Variants in COG5 observed in about 807,000 individuals in gnomAD.
COG5 encodes the protein component of oligomeric golgi complex 5, also known as conserved oligomeric Golgi complex subunit 5.
In COG5, 86 loss-of-function variants were observed where a neutral mutation model predicts 110.4. The observed-to-expected ratio is 0.78, with a 90% CI of 0.65 to 0.93. The LOEUF is 0.93. COG5 is among the 40% of genes least tolerant of loss of function. The pLI, the probability that COG5 is intolerant of heterozygous loss-of-function variation, is 0.00. For missense variants in COG5, 1,077 were observed against 987.0 expected (o/e 1.09, Z -1.22); for synonymous variants, 360 against 334.6 (o/e 1.08, Z -0.83).
chr7:107,413,218 T>C (rs1374416343), intron 6 of COG5, among the ~76,000 whole-genome samples: 1 of 152,122 alleles, frequency 6.6e-6, no homozygotes, highest in African/African-American at 2.4e-5. Context: ...TCTCACTATG[T>C]TGTTCAAGCT....
chr7:107,333,184 T>A (rs1388656223), intron 10 of COG5, among the ~76,000 whole-genome samples: 1 of 152,178 alleles, frequency 6.6e-6, no homozygotes, highest in Non-Finnish European at 1.5e-5. Context: ...AAATCAAGAA[T>A]ATATTAATTT....
intron 10 of COG5, among the ~76,000 whole-genome samples, chr7:107,330,622 T>C (rs1420734160): frequency 6.6e-6 from 1 of 152,190 alleles, no homozygotes; most frequent in African/African-American, 2.4e-5. Flanking sequence ...GCTAACTTTA[T>C]TGTGCTGAGT....
intron 16 of COG5, among the ~76,000 whole-genome samples, chr7:107,248,783 G>A (rs139249985): frequency 3.3e-5 from 5 of 152,240 alleles, no homozygotes; most frequent in African/African-American, 1.2e-4. Flanking sequence ...GAAGGCATAC[G>A]CAAGAAGACA....
At chr7:107,258,491 G>A (rs914228195) in intron 14 of COG5, 108 bp from the exon 15 acceptor site, 19 of 756,680 alleles carry the variant, frequency 2.5e-5, no homozygotes, top group East Asian at 5.0e-5. Flanking sequence ...TTCTTTAACC[G>A]GGGAGAAGTT....
intron 11 of COG5, among the ~76,000 whole-genome samples, chr7:107,309,437 T>C (rs1272773669): frequency 6.6e-6 from 1 of 152,218 alleles, no homozygotes; most frequent in Non-Finnish European, 1.5e-5. Context: ...TACTGAACAC[T>C]GTGTTCTCTG....
rs543261521 is a variant in COG5 at position 107,498,197 on chromosome 7, G to C, written c.538+29040C>G. ...TAAAACTCCTAGAACGACACGTGAG[G>C]AAAAACTCTGTACCATTGGTCTTGG... is the stretch of plus-strand genomic sequence containing the variant. On this transcript the variant is annotated intron_variant, in intron 6 of 21. Transcript: ENST00000297135. Among the ~76,000 whole-genome samples the C allele has an allele frequency of 8.5e-5, 13 of 152,244 alleles. No individual in the cohort carries two copies. In the South Asian group the frequency reaches 2.5e-3, roughly 29 times the overall value.
At chr7:107,489,313 A>T (rs530457330) in intron 6 of COG5, among the ~76,000 whole-genome samples, 4 of 152,290 alleles carry the variant, frequency 2.6e-5, no homozygotes, top group Admixed American at 1.3e-4. Flanking sequence ...AACCAATCTC[A>T]TATCTCAGCC....
At chr7:107,458,757 G>A (rs957469277) in intron 6 of COG5, among the ~76,000 whole-genome samples, 3 of 152,126 alleles carry the variant, frequency 2.0e-5, no homozygotes, top group Non-Finnish European at 4.4e-5. Flanking sequence ...TACTCAGGAG[G>A]CTGAGGCAGG....
intron 12 of COG5, among the ~76,000 whole-genome samples, chr7:107,284,225 A>T (rs188343487): frequency 6.6e-6 from 1 of 152,306 alleles, no homozygotes; most frequent in East Asian, 1.9e-4. Context: ...TGCCCGGCCT[A>T]TATTAACATT....
At chr7:107,412,789 A>C (rs1792407089) in intron 6 of COG5, among the ~76,000 whole-genome samples, 157 bp from the exon 7 acceptor site, 1 of 152,076 alleles carries the variant, frequency 6.6e-6, no homozygotes, top group Non-Finnish European at 1.5e-5. Flanking sequence ...AGTTTCCCAA[A>C]TATTTTCTAT....
At chr7:107,413,981 C>T (rs1792508065) in intron 6 of COG5, among the ~76,000 whole-genome samples, 1 of 152,046 alleles carries the variant, frequency 6.6e-6, no homozygotes, top group South Asian at 2.1e-4. Context: ...TCTTTCTGAC[C>T]ACAGTCTTTT....
intron 6 of COG5, among the ~76,000 whole-genome samples, chr7:107,513,472 T>C (rs1348452400): frequency 9.3e-4 from 142 of 152,278 alleles, no homozygotes; most frequent in African/African-American, 3.2e-3. Flanking sequence ...AGTTCCACCA[T>C]TGTGCAAGTC....
intron 17 of COG5, among the ~76,000 whole-genome samples, chr7:107,237,767 T>C (rs1801311982): frequency 6.6e-6 from 1 of 152,156 alleles, no homozygotes; most frequent in African/African-American, 2.4e-5. Context: ...ACATTTTTGT[T>C]TGCAGTATCA....
intron 6 of COG5, among the ~76,000 whole-genome samples, chr7:107,433,348 C>G (rs1020491433): frequency 6.6e-6 from 1 of 152,108 alleles, no homozygotes; most frequent in Non-Finnish European, 1.5e-5. Flanking sequence ...AAAAACGCAT[C>G]CTAAAATTCA....
intron 6 of COG5, among the ~76,000 whole-genome samples, chr7:107,444,272 C>T: frequency 6.6e-6 from 1 of 152,172 alleles, no homozygotes; most frequent in African/African-American, 2.4e-5. Context: ...CAGGATAGAA[C>T]AGCAAATTAA....
intron 5 of COG5, among the ~76,000 whole-genome samples, chr7:107,539,947 A>G (rs1801857205): frequency 6.6e-6 from 1 of 152,198 alleles, no homozygotes. Context: ...TCAGATTACC[A>G]CTGGGAGACA....
intron 5 of COG5, among the ~76,000 whole-genome samples, chr7:107,544,457 G>A (rs1802274754): frequency 6.6e-6 from 1 of 152,182 alleles, no homozygotes; most frequent in East Asian, 1.9e-4. Flanking sequence ...CTGGATCTAA[G>A]TCTGCTCCAG....
chr7:107,482,572 G>A (rs1400067997), intron 6 of COG5, among the ~76,000 whole-genome samples: 1 of 151,646 alleles, frequency 6.6e-6, no homozygotes, highest in Non-Finnish European at 1.5e-5. Context: ...AGGCACAGAA[G>A]CAGCTCTTAA....
intron 8 of COG5, among the ~76,000 whole-genome samples, chr7:107,369,267 A>G (rs1020803225): frequency 6.6e-6 from 1 of 152,050 alleles, no homozygotes; most frequent in African/African-American, 2.4e-5. Context: ...GTTTTTGACC[A>G]TTATCTATAC....
Sources: gnomAD v4.1 joint callset for allele counts (sites outside exome capture counted in the v4.1 genomes callset) on GRCh38, gnomAD v4.1.1 for gene constraint, MANE v1.5 for transcripts, NCBI Gene and HGNC (gene_info 2026-07-23, HGNC 2026-07-21) for gene names.